Variants in FER1L6 observed in about 807,000 individuals in gnomAD.
FER1L6 encodes the protein fer-1 like family member 6.
In FER1L6, 177 loss-of-function variants were observed where a neutral mutation model predicts 219.2. The observed-to-expected ratio is 0.81, with a 90% CI of 0.71 to 0.91. The LOEUF is 0.91. Ranked by LOEUF, FER1L6 falls within the 40% of genes least tolerant of loss-of-function variation. FER1L6 has a pLI of 0.00. For synonymous variants in FER1L6, 768 were observed against 824.3 expected (o/e 0.93, Z 1.17); for missense variants, 2,153 against 2,259.9 (o/e 0.95, Z 0.96).
intron 33 of FER1L6, among the ~76,000 whole-genome samples, chr8:124,085,059 A>G (rs928813099): frequency 9.2e-5 from 14 of 151,942 alleles, no homozygotes; most frequent in African/African-American, 3.4e-4. Flanking sequence ...AAATTTTCCA[A>G]TTTATTTCTA....
intron 1 of FER1L6, among the ~76,000 whole-genome samples, chr8:123,898,825 A>G (rs12549816): frequency 3.2e-4 from 42 of 130,036 alleles, no homozygotes; most frequent in South Asian, 2.2e-3. Context: ...ACATATGTGT[A>G]TATATATATA....
intron 35 of FER1L6, among the ~76,000 whole-genome samples, 176 bp downstream of exon 35, chr8:124,095,214 G>A (rs1822228600): frequency 6.6e-6 from 1 of 152,192 alleles, no homozygotes; most frequent in African/African-American, 2.4e-5. Context: ...AGAGGCCAAG[G>A]ATGCTGCTAA....
intron 1 of FER1L6, among the ~76,000 whole-genome samples, chr8:123,856,290 G>GAGATATA (rs1816642675): frequency 2.5e-5 from 2 of 81,048 alleles, no homozygotes; most frequent in African/African-American, 9.1e-5. Flanking sequence ...ATATGTGTGT[G>GAGATATA]TGTATATATA....
Position 123,963,334 on chromosome 8 carries a change from AGAG to A in FER1L6, c.137_139del (p.Gly46del). Reference sequence around the variant, plus strand: ...GGAGCCTTCTCACCAGGAAGGACCGAGAGGAGATTTGGTCCATGATGATGCTTC... The same window carrying A: ...GGAGCCTTCTCACCAGGAAGGACCGAGAGATTTGGTCCATGATGATGCTTC... On this transcript the variant is annotated inframe_deletion, in exon 3 of 41. Transcript: ENST00000522917. The A allele has an allele frequency of 1.2e-6, 2 of 1,614,156 alleles. No homozygotes were observed. The highest frequency in any genetic ancestry group is 1.3e-5 in the African/African-American group (1 of 75,058).
At chr8:124,032,660 G>A (rs983339460) in intron 18 of FER1L6, among the ~76,000 whole-genome samples, 6 of 151,372 alleles carry the variant, frequency 4.0e-5, no homozygotes, top group Non-Finnish European at 7.4e-5. Context: ...AGGATGGCTT[G>A]AGCCCAGGAG....
rs532511932 is a variant in FER1L6, at chr8:124,011,163, G to T, written c.1821+449G>T. 2.6e-5 allele frequency among the ~76,000 whole-genome samples: 4 copies of T among 152,164 alleles called. No homozygotes were observed. The South Asian group carries it at 8.3e-4, about 32-fold the overall frequency. ...TCCCTTACTTTGTTCCAACTACACT[G>T]GTGCCCTTTTAATATGTTGAAAAAA... On this transcript the variant is annotated intron_variant, in intron 14 of 40. Transcript: ENST00000522917.
At chr8:124,098,922 C>A (rs753502244) in intron 37 of FER1L6, among the ~76,000 whole-genome samples, 1 of 152,220 alleles carries the variant, frequency 6.6e-6, no homozygotes, top group Non-Finnish European at 1.5e-5. Context: ...TTTGCTAAAT[C>A]TAATGGTCTT....
At position 124,062,027 on chromosome 8, in the gene FER1L6, G is replaced by A. The variant is rs201279972; in HGVS notation, c.3323G>A (p.Gly1108Glu). Residue 1108 changes from glycine (G) to glutamate (E), a missense_variant, in exon 25 of 41, where the codon GGG becomes GAG. Transcript: ENST00000522917. ...PITQVDGTQP[G>E]HDISDSLTAT... is the part of the protein sequence containing the mutation. ...ACACAGGTGGATGGAACCCAGCCTG[G>A]GCACGGTGAGAAGCTGCTCTTAGAT... 63 of 1,614,034 alleles carry A rather than the reference G, an allele frequency of 3.9e-5. No homozygotes were observed. The African/African-American group carries it at 7.9e-4, about 20-fold the overall frequency.
At chr8:124,013,394 A>AC (rs1233502027) in intron 14 of FER1L6, 37 bp from the exon 15 acceptor site, 1 of 1,316,604 alleles carries the variant, frequency 7.6e-7, no homozygotes. Flanking sequence ...TCTCATTACC[A>AC]CCGCCTCATC....
intron 1 of FER1L6, among the ~76,000 whole-genome samples, chr8:123,866,650 C>G (rs1816842676): frequency 6.6e-6 from 1 of 152,166 alleles, no homozygotes; most frequent in Non-Finnish European, 1.5e-5. Context: ...CTTGCCAACA[C>G]TGGTCATCAT....
At chr8:123,885,707 G>A (rs1817188903) in intron 1 of FER1L6, among the ~76,000 whole-genome samples, 1 of 152,192 alleles carries the variant, frequency 6.6e-6, no homozygotes, top group Non-Finnish European at 1.5e-5. Flanking sequence ...TCAGTATGTG[G>A]CTCTGACTTT....
At chr8:124,071,388 C>A in intron 30 of FER1L6, 118 bp from the exon 31 acceptor site, 1 of 1,380,138 alleles carries the variant, frequency 7.2e-7, no homozygotes, top group Non-Finnish European at 1.0e-6. Flanking sequence ...AAGTTTAGCA[C>A]CAAACCAGGT....
intron 22 of FER1L6, among the ~76,000 whole-genome samples, chr8:124,054,974 T>A (rs922266068): frequency 6.6e-6 from 1 of 152,252 alleles, no homozygotes; most frequent in East Asian, 1.9e-4. Flanking sequence ...GTTACTCAGA[T>A]TGGAGATAAA....
At chr8:124,069,948 T>C (rs1301047914) in intron 29 of FER1L6, among the ~76,000 whole-genome samples, 1 of 152,214 alleles carries the variant, frequency 6.6e-6, no homozygotes, top group Non-Finnish European at 1.5e-5. Flanking sequence ...GTAAGCAATT[T>C]ATATAGGAAA....
intron 18 of FER1L6, among the ~76,000 whole-genome samples, chr8:124,025,775 A>T (rs976029243): frequency 6.6e-6 from 1 of 152,028 alleles, no homozygotes; most frequent in African/African-American, 2.4e-5. Context: ...CAGTATGCTT[A>T]TTTTCATGAT....
At chr8:124,033,753 G>A (rs914645168) in intron 18 of FER1L6, among the ~76,000 whole-genome samples, 3 of 152,176 alleles carry the variant, frequency 2.0e-5, no homozygotes, top group Admixed American at 2.0e-4. Flanking sequence ...TCCAACTAAA[G>A]TGCCCATTAA....
rs540091132 is a variant in FER1L6, at chr8:123,908,357, T to C, written c.-7-47635T>C. Among the ~76,000 whole-genome samples the C allele has an allele frequency of 6.6e-5, 10 of 152,366 alleles. No individual in the cohort carries two copies. In the East Asian group the frequency reaches 1.9e-3, roughly 29 times the overall value. ...CAAGATACTCTGCAATTGGGAGTGG[T>C]ATTGATTCAGGGCCAAAGCAAATTT... is the stretch of plus-strand genomic sequence containing the variant. On this transcript the variant is annotated intron_variant, in intron 1 of 40. Transcript: ENST00000522917.
intron 1 of FER1L6, among the ~76,000 whole-genome samples, chr8:123,944,131 A>G (rs1814378215): frequency 6.6e-6 from 1 of 152,078 alleles, no homozygotes; most frequent in South Asian, 2.1e-4. Flanking sequence ...GATTAAGTGG[A>G]AAAAAAGTAT....
chr8:124,069,312 C>G (rs1468163579), intron 28 of FER1L6, 48 bp from the exon 29 acceptor site: 1 of 1,367,046 alleles, frequency 7.3e-7, no homozygotes, highest in East Asian at 2.3e-5. Context: ...TTTGTTCCTT[C>G]TCATCTCAAC....
Sources: allele counts gnomAD v4.1 joint callset (sites outside exome capture counted in the v4.1 genomes callset), GRCh38; gene constraint gnomAD v4.1.1; transcripts MANE v1.5; gene names NCBI Gene and HGNC (gene_info 2026-07-23, HGNC 2026-07-21).